Variants in SYT1 observed in about 807,000 individuals in gnomAD.
SYT1 encodes synaptotagmin 1, also known as synaptotagmin-1.
SYT1 carries 8 observed loss-of-function variants against 44.8 expected under a neutral mutation model. The observed-to-expected ratio is 0.18, with a 90% CI of 0.10 to 0.32. The LOEUF (loss-of-function observed/expected upper bound fraction) is 0.32. Ranked by LOEUF, SYT1 falls within the 10% of genes least tolerant of loss-of-function variation. The pLI is 1.00. For synonymous variants in SYT1, 154 were observed against 188.8 expected (o/e 0.82, Z 1.51); for missense variants, 286 against 509.3 (o/e 0.56, Z 4.22).
intron 2 of SYT1, among the ~76,000 whole-genome samples, chr12:79,019,363 A>G (rs935010781): frequency 6.6e-6 from 1 of 152,194 alleles, no homozygotes; most frequent in Non-Finnish European, 1.5e-5. Flanking sequence ...TACTCATGAG[A>G]TAACTAGTTT....
intron 2 of SYT1, among the ~76,000 whole-genome samples, chr12:79,041,137 G>A (rs1463028926): frequency 7.3e-5 from 11 of 151,238 alleles, no homozygotes; most frequent in East Asian, 5.8e-4. Context: ...GAACTTTAAA[G>A]TAGTTTTTTC....
chr12:79,136,589 CTAAT>C (rs1357240098), intron 3 of SYT1, among the ~76,000 whole-genome samples: 3 of 152,158 alleles, frequency 2.0e-5, no homozygotes, highest in African/African-American at 7.2e-5. Flanking sequence ...ATATAATACT[CTAAT>C]AACGACATTG....
At chr12:79,446,004 T>TAGAC (rs1257498731) in intron 10 of SYT1, among the ~76,000 whole-genome samples, 3 of 119,098 alleles carry the variant, frequency 2.5e-5, no homozygotes, top group Admixed American at 8.4e-5. Context: ...TATATATATA[T>TAGAC]ATATATATAT....
intron 1 of SYT1, among the ~76,000 whole-genome samples, chr12:78,912,946 A>G (rs893877754): frequency 3.3e-5 from 5 of 151,936 alleles, no homozygotes; most frequent in African/African-American, 4.8e-5. Context: ...ATTTATTTAC[A>G]TAAGACTGGA....
At chr12:79,445,724 T>C (rs986266033) in intron 10 of SYT1, among the ~76,000 whole-genome samples, 1 of 151,548 alleles carries the variant, frequency 6.6e-6, no homozygotes, top group Non-Finnish European at 1.5e-5. Context: ...TAATTCTGTA[T>C]GTTGGCTGTT....
intron 3 of SYT1, among the ~76,000 whole-genome samples, chr12:79,056,052 C>T (rs1477077782): frequency 6.6e-6 from 1 of 151,894 alleles, no homozygotes; most frequent in Non-Finnish European, 1.5e-5. Flanking sequence ...GTTTGTAGCC[C>T]AAGAACAAAA....
At chr12:79,132,793 G>A (rs2138184789) in intron 3 of SYT1, among the ~76,000 whole-genome samples, 1 of 151,772 alleles carries the variant, frequency 6.6e-6, no homozygotes, top group Non-Finnish European at 1.5e-5. Context: ...GGGATACCTG[G>A]ATTCCCATAT....
In SYT1 at chr12:79,117,703, AT is replaced by A. The variant is rs1565813861; in HGVS notation, c.-18+70342del. Among the ~76,000 whole-genome samples the A allele has an allele frequency of 3.6e-4, 44 of 120,792 alleles. 2 individuals carry two copies. Among genetic ancestry groups the A allele is most frequent in the Non-Finnish European group, 7.2e-4 (42 of 58,070 alleles). The allele number at this position is 120,792 out of a possible 152,430, so 79.2% of individuals were successfully genotyped here. ...TATATATATATATATATATATATAT[AT>A]ATATATATATAAAATAAATAGGTTG... On this transcript the variant is annotated intron_variant, in intron 3 of 10. Transcript: ENST00000261205.
chr12:79,336,959 G>A (rs1414212167), intron 8 of SYT1, among the ~76,000 whole-genome samples: 2 of 151,940 alleles, frequency 1.3e-5, no homozygotes, highest in African/African-American at 4.8e-5. Context: ...TACAGCATGA[G>A]CCACTGTGCC....
intron 2 of SYT1, among the ~76,000 whole-genome samples, chr12:79,019,387 C>T (rs1426093246): frequency 6.6e-6 from 1 of 151,972 alleles, no homozygotes; most frequent in Non-Finnish European, 1.5e-5. Context: ...TTACCATCAA[C>T]ATTCCAGGGT....
intron 3 of SYT1, among the ~76,000 whole-genome samples, chr12:79,214,777 A>G (rs1308462026): frequency 2.0e-5 from 3 of 152,220 alleles, no homozygotes; most frequent in Non-Finnish European, 4.4e-5. Flanking sequence ...AGCTATTTTC[A>G]TTTAACTCAA....
At chr12:79,055,343 TG>T (rs1382537112) in intron 3 of SYT1, among the ~76,000 whole-genome samples, 1 of 152,010 alleles carries the variant, frequency 6.6e-6, no homozygotes, top group Non-Finnish European at 1.5e-5. Flanking sequence ...GACTCTGATA[TG>T]TAAGTTGTCT....
At chr12:79,067,373 A>C (rs1036295994) in intron 3 of SYT1, among the ~76,000 whole-genome samples, 39 of 152,254 alleles carry the variant, frequency 2.6e-4, no homozygotes, top group African/African-American at 8.7e-4. Context: ...GAACTGTGGA[A>C]TTGGAATTTG....
At chr12:79,201,124 T>C (rs1388754006) in intron 3 of SYT1, among the ~76,000 whole-genome samples, 1 of 152,094 alleles carries the variant, frequency 6.6e-6, no homozygotes, top group Non-Finnish European at 1.5e-5. Context: ...GTAACGTTCC[T>C]AGGATCTGTA....
chr12:79,093,834 A>G (rs1240931817), intron 3 of SYT1, among the ~76,000 whole-genome samples: 2 of 151,810 alleles, frequency 1.3e-5, no homozygotes, highest in African/African-American at 4.8e-5. Context: ...TTAATTACAT[A>G]TATTAATTAG....
intron 1 of SYT1, among the ~76,000 whole-genome samples, chr12:78,935,002 C>T (rs970039823): frequency 6.6e-6 from 1 of 152,046 alleles, no homozygotes; most frequent in Admixed American, 6.6e-5. Context: ...ATGCCTCGCC[C>T]GAGTCTATAA....
intron 4 of SYT1, among the ~76,000 whole-genome samples, chr12:79,218,674 T>G (rs573447252): frequency 6.6e-6 from 1 of 152,198 alleles, no homozygotes; most frequent in East Asian, 1.9e-4. Flanking sequence ...GTTCACCAGG[T>G]TCATTCATGT....
intron 1 of SYT1, among the ~76,000 whole-genome samples, chr12:78,912,441 G>T (rs7964755): frequency 0.76 from 116,019 of 151,768 alleles, 44,907 homozygotes; most frequent in African/African-American, 0.87. Flanking sequence ...GCTGAGACGT[G>T]GTGGAGAATA....
chr12:79,112,577 G>A (rs1879073877), intron 3 of SYT1, among the ~76,000 whole-genome samples: 1 of 152,000 alleles, frequency 6.6e-6, no homozygotes, highest in Non-Finnish European at 1.5e-5. Context: ...TCAAAGTAGG[G>A]ACACTAGTCA....
Sources: gnomAD v4.1 joint callset for allele counts (sites outside exome capture counted in the v4.1 genomes callset) on GRCh38, gnomAD v4.1.1 for gene constraint, MANE v1.5 for transcripts, NCBI Gene and HGNC (gene_info 2026-07-23, HGNC 2026-07-21) for gene names.